ZBTB21: variants seen among roughly 807,000 people sequenced by gnomAD.
The protein encoded by ZBTB21 is zinc finger and BTB domain containing 21.
In ZBTB21, 10 loss-of-function variants were observed where a neutral mutation model predicts 39.8. The observed-to-expected ratio is 0.25, with a 90% CI of 0.16 to 0.43. The LOEUF is 0.43. ZBTB21 is among the 20% of genes least tolerant of loss of function. The pLI, the probability that ZBTB21 is intolerant of heterozygous loss-of-function variation, is 1.00. For synonymous variants in ZBTB21, 551 were observed against 498.8 expected (o/e 1.10, Z -1.40); for missense variants, 1,221 against 1,296.3 (o/e 0.94, Z 0.89).
chr21:42,007,431 C>T (rs7278166), intron 1 of ZBTB21, among the ~76,000 whole-genome samples: 30,555 of 152,192 alleles, frequency 0.2, 3,474 homozygotes, highest in Non-Finnish European at 0.27. Flanking sequence ...CATCTCTCCA[C>T]CCTTATTGGA....
At chr21:42,009,008 T>C (rs1467260543) in intron 1 of ZBTB21, among the ~76,000 whole-genome samples, 1 of 152,218 alleles carries the variant, frequency 6.6e-6, no homozygotes, top group African/African-American at 2.4e-5. Context: ...AAACAAGGTA[T>C]GAGGACCGTA....
chr21:41,994,851 T>C (rs1236711054), intron 2 of ZBTB21, among the ~76,000 whole-genome samples: 1 of 152,212 alleles, frequency 6.6e-6, no homozygotes, highest in African/African-American at 2.4e-5. Flanking sequence ...GGGAGGTAAC[T>C]GAATCATGGG....
chr21:41,995,159 C>T (rs774053267), intron 2 of ZBTB21, among the ~76,000 whole-genome samples: 1 of 152,096 alleles, frequency 6.6e-6, no homozygotes, highest in Non-Finnish European at 1.5e-5. Context: ...AAAAGATACC[C>T]GAAAATGTGG....
intron 2 of ZBTB21, among the ~76,000 whole-genome samples, chr21:42,001,945 G>A (rs2065822444): frequency 6.6e-6 from 1 of 152,222 alleles, no homozygotes. Flanking sequence ...ACAGAGACAA[G>A]ACAGAGCAGG....
At chr21:41,998,878 T>G (rs1569110955) in intron 2 of ZBTB21, among the ~76,000 whole-genome samples, 1 of 152,254 alleles carries the variant, frequency 6.6e-6, no homozygotes, top group Admixed American at 6.5e-5. Context: ...ACCAAGTTTC[T>G]GTCCACTCCC....
rs888406491 is a variant in ZBTB21, at chr21:41,988,674, C to A, written c.*2221G>T. ...AAAATTTTATTTGAAATCTTATATT[C>A]CTTGCTTAGACAAAAATGTGAAGAC... On this transcript the variant is annotated 3_prime_UTR_variant, in exon 3 of 3. Coordinates refer to ENST00000310826, the MANE Select transcript of ZBTB21 (RefSeq NM_001098402.2). The A allele has an allele frequency of 4.6e-5, 7 of 151,984 alleles. No individual in the cohort carries two copies. Among genetic ancestry groups the A allele is most frequent in the Non-Finnish European group, 4.4e-5 (3 of 67,968 alleles). 9.4% of individuals were successfully genotyped at this position (151,984 alleles called of 1,614,324 possible). A position where few individuals can be genotyped will look rare whatever the true frequency, so the allele number is the denominator to read the frequency against.
intron 2 of ZBTB21, among the ~76,000 whole-genome samples, chr21:42,001,136 G>A (rs2065812279): frequency 6.6e-6 from 1 of 152,126 alleles, no homozygotes; most frequent in Admixed American, 6.5e-5. Flanking sequence ...CATGCTCAAC[G>A]TCATAGAGAT....
At chr21:42,009,880 C>T (rs1036460021) in intron 1 of ZBTB21, among the ~76,000 whole-genome samples, 1 of 152,202 alleles carries the variant, frequency 6.6e-6, no homozygotes, top group Non-Finnish European at 1.5e-5. Flanking sequence ...GGCGTTTCAA[C>T]CGCTCCGCGC....
At chr21:42,006,151 A>G (rs8130883) in intron 1 of ZBTB21, among the ~76,000 whole-genome samples, 96,214 of 152,092 alleles carry the variant, frequency 0.63, 31,915 homozygotes, top group African/African-American at 0.78. Flanking sequence ...GTGGTGGCTC[A>G]TGCCTGTAAT....
Position 41,993,249 on chromosome 21 carries a change from A to G in ZBTB21, c.847T>C (p.Cys283Arg), listed in dbSNP as rs759211921. 16 of 1,611,652 alleles carry G rather than the reference A, an allele frequency of 9.9e-6. No homozygotes were observed. The South Asian group carries it at 1.6e-4, about 17-fold the overall frequency. Residue 283 changes from cysteine (C) to arginine (R), a missense_variant, in exon 3 of 3, where the codon TGT becomes CGT. Cys to Arg is a radical substitution (Grantham distance 180). Around this residue, in one of 4 missense-constraint regions of ZBTB21, gnomAD observed 500 missense variants for 465.6 expected, o/e 1.07. Coordinates refer to ENST00000310826, the MANE Select transcript of ZBTB21 (RefSeq NM_001098402.2). The stretch of plus-strand genomic sequence containing the variant: ...AGATAGGGAGTCTCTGATGAGCTAC[A>G]AACAGACAAAACAGGTGGCCGTGGT... ...KRPRPPVLSV[C>R]SSSETPYLLK...
chr21:42,005,292 C>A (rs922644721), intron 1 of ZBTB21, among the ~76,000 whole-genome samples: 1 of 152,224 alleles, frequency 6.6e-6, no homozygotes, highest in African/African-American at 2.4e-5. Context: ...GTGCTCCTCT[C>A]CCCTACCTCT....
Position 41,992,769 on chromosome 21 carries a change from T to A in ZBTB21, c.1327A>T (p.Ile443Phe). The part of the protein sequence containing the change: ...PSSPLSDPSD[I>F]IRVTVGDAAT... ...GCATCTCCCACAGTGACGCGGATGA[T>A]GTCCGAGGGGTCCGACAGCGGGCTG... Residue 443 changes from isoleucine (I) to phenylalanine (F), a missense_variant, in exon 3 of 3, where the codon ATC becomes TTC. Physicochemically the swap from Ile to Phe is conservative, Grantham distance 21. Transcript: ENST00000310826. This position sits in a 1 kb window ranked among gnomAD's most constrained non-coding sequence, Gnocchi z 4.1. 1 of 1,614,140 alleles carries A rather than the reference T, an allele frequency of 6.2e-7. No homozygotes were observed. The highest frequency in any genetic ancestry group is 1.3e-5 in the African/African-American group (1 of 75,056).
At chr21:41,994,213 A>G (rs1022886684) in intron 2 of ZBTB21, 105 bp from the exon 3 acceptor site, 1 of 913,572 alleles carries the variant, frequency 1.1e-6, no homozygotes, top group Non-Finnish European at 1.6e-6. Context: ...ACCAATATTT[A>G]GCAGACCGTA....
intron 1 of ZBTB21, among the ~76,000 whole-genome samples, chr21:42,005,749 A>T (rs1322578139): frequency 6.6e-6 from 1 of 152,234 alleles, no homozygotes; most frequent in Non-Finnish European, 1.5e-5. Flanking sequence ...CAACTTATTT[A>T]CTGAATTCCA....
At position 41,991,865 on chromosome 21, in the gene ZBTB21, C is replaced by T; in HGVS notation, c.2231G>A (p.Cys744Tyr). 6.2e-7 allele frequency: 1 copy of T among 1,614,190 alleles called. No individual in the cohort carries two copies. Among genetic ancestry groups the T allele is most frequent in the Non-Finnish European group, 8.5e-7 (1 of 1,180,054 alleles). ...LLEQGSHERL[C>Y]RNAAVCPYCS... ...GTAAGGGCAGACGGCCGCGTTCCGG[C>T]ACAGCCGCTCGTGGCTTCCTTGCTC... The change falls in exon 3 of 3, where the codon TGC becomes TAC. Residue 744 changes from cysteine (C) to tyrosine (Y), a missense_variant. Physicochemically the swap from Cys to Tyr is radical, Grantham distance 194 (BLOSUM62 -2). Around this residue, in one of 4 missense-constraint regions of ZBTB21, gnomAD observed 523 missense variants for 542.5 expected, o/e 0.96. Transcript: ENST00000310826. This position sits in a 1 kb window ranked among gnomAD's most constrained non-coding sequence, Gnocchi z 4.9.
rs764705098 is a variant in ZBTB21 at position 41,994,022 on chromosome 21, A to G, written c.74T>C (p.Leu25Pro). The change falls in exon 3 of 3, where the codon CTC (leucine) becomes CCC (proline). Residue 25 changes from leucine (L) to proline (P), a missense_variant. Transcript: ENST00000310826. Reference sequence around the variant, plus strand: ...CAGCACATCACACAGCTGTCCTTTGAGACGCTCCTCATTCAGGGCACTTAG... The same window carrying G: ...CAGCACATCACACAGCTGTCCTTTGGGACGCTCCTCATTCAGGGCACTTAG... The part of the protein sequence containing the change: ...SLLSALNEER[L>P]KGQLCDVLLI... The G allele has an allele frequency of 1.9e-6, 3 of 1,614,032 alleles. No homozygotes were observed. Among genetic ancestry groups the G allele is most frequent in the Non-Finnish European group, 2.5e-6 (3 of 1,180,024 alleles).
Position 41,992,984 on chromosome 21 carries a change from T to C in ZBTB21, c.1112A>G (p.Asp371Gly). The C allele has an allele frequency of 1.2e-6, 2 of 1,614,206 alleles. No homozygotes were observed. The highest frequency in any genetic ancestry group is 1.7e-6 in the Non-Finnish European group (2 of 1,180,028). Residue 371 changes from aspartate (D) to glycine (G), a missense_variant, in exon 3 of 3, where the codon GAT (aspartate) becomes GGT (glycine). This residue lies in a region of ZBTB21 where 500 missense variants were observed against 465.6 expected (regional missense o/e 1.07). Transcript: ENST00000310826. This position sits in a 1 kb window ranked among gnomAD's most constrained non-coding sequence, Gnocchi z 4.1. ...AGCACACAACACATTCCCTGGTGCATCACTGGACACCGAAGATGATCCCTG... is the reference window on the plus strand; with the variant it reads ...AGCACACAACACATTCCCTGGTGCACCACTGGACACCGAAGATGATCCCTG... ...SSQGSSSVSS[D>G]APGNVLCALS... is the part of the protein sequence containing the mutation.
intron 2 of ZBTB21, among the ~76,000 whole-genome samples, chr21:41,999,226 A>G (rs2065788392): frequency 6.6e-6 from 1 of 152,264 alleles, no homozygotes; most frequent in African/African-American, 2.4e-5. Context: ...ACAGATTTAA[A>G]GGCTTGGATA....
At position 41,991,222 on chromosome 21, in the gene ZBTB21, C is replaced by T. The variant is rs759175562; in HGVS notation, c.2874G>A (p.Ser958=). 7 of 1,614,128 alleles carry T rather than the reference C, an allele frequency of 4.3e-6. No individual in the cohort carries two copies. The highest frequency in any genetic ancestry group is 2.7e-5 in the African/African-American group (2 of 75,018). The part of the protein sequence containing the change: ...TNFRLWSHFQ[S]HMSQASEESA... Reference sequence around the variant, plus strand: ...ATTCCTCTGAAGCCTGAGACATGTGCGATTGGAAGTGACTCCAGAGTCGAA... The same window carrying T: ...ATTCCTCTGAAGCCTGAGACATGTGTGATTGGAAGTGACTCCAGAGTCGAA... Residue 958 remains serine, a synonymous_variant, in exon 3 of 3, where the codon TCG becomes TCA. Coordinates refer to ENST00000310826, the MANE Select transcript of ZBTB21 (RefSeq NM_001098402.2). This position sits in a 1 kb window ranked among gnomAD's most constrained non-coding sequence, Gnocchi z 4.9.
Sources: allele counts gnomAD v4.1 joint callset (sites outside exome capture counted in the v4.1 genomes callset), GRCh38; gene constraint gnomAD v4.1.1; regional missense constraint gnomAD v4.1.1; non-coding constraint Gnocchi (gnomAD v3.1); transcripts MANE v1.5; gene names NCBI Gene and HGNC (gene_info 2026-07-23, HGNC 2026-07-21).